NAA25: variants seen among roughly 807,000 people sequenced by gnomAD.
NAA25 encodes N-terminal acetyltransferase B complex subunit NAA25.
NAA25 carries 30 observed loss-of-function variants against 132.5 expected under a neutral mutation model. That is an observed-to-expected ratio of 0.23 (90% CI 0.17 to 0.31). The LOEUF is 0.31. Ranked by LOEUF, NAA25 falls within the 10% of genes least tolerant of loss-of-function variation. The probability of loss-of-function intolerance (pLI) is 1.00; values close to 1 mark genes in which losing one functional copy is unlikely to be tolerated. For synonymous variants in NAA25, 359 were observed against 401.9 expected (o/e 0.89, Z 1.28); for missense variants, 771 against 1,150.4 (o/e 0.67, Z 4.77).
intron 15 of NAA25, among the ~76,000 whole-genome samples, chr12:112,053,027 A>G (rs773877889): frequency 6.6e-6 from 1 of 152,244 alleles, no homozygotes; most frequent in Non-Finnish European, 1.5e-5. Context: ...CCATCCTTTC[A>G]TTATGGCACA....
At chr12:112,070,989 C>T (rs112665078) in intron 10 of NAA25, among the ~76,000 whole-genome samples, 3,820 of 152,300 alleles carry the variant, frequency 0.025, 72 homozygotes, top group Non-Finnish European at 0.039. Context: ...TCAGGTGATC[C>T]GCCCGCCTTG....
At chr12:112,048,569 G>A in intron 15 of NAA25, 126 bp from the exon 16 acceptor site, 1 of 737,566 alleles carries the variant, frequency 1.4e-6, no homozygotes, top group Non-Finnish European at 2.2e-6. Context: ...TAAAGGTCTT[G>A]GTCACCAAGT....
At chr12:112,107,029 C>A (rs2079372483) in intron 1 of NAA25, among the ~76,000 whole-genome samples, 1 of 145,790 alleles carries the variant, frequency 6.9e-6, no homozygotes, top group Non-Finnish European at 1.5e-5. Context: ...AATCCCAGCA[C>A]TTTGGGAGGC....
At chr12:112,054,256 A>G in intron 14 of NAA25, 132 bp downstream of exon 14, 1 of 777,934 alleles carries the variant, frequency 1.3e-6, no homozygotes, top group South Asian at 2.3e-5. Flanking sequence ...CTGGTTTGCA[A>G]TGGATCATAA....
At chr12:112,066,675 A>C (rs781056245) in intron 11 of NAA25, among the ~76,000 whole-genome samples, 3 of 152,160 alleles carry the variant, frequency 2.0e-5, no homozygotes, top group Non-Finnish European at 4.4e-5. Flanking sequence ...TTATCCAGAA[A>C]CTTCTAGGCT....
intron 10 of NAA25, among the ~76,000 whole-genome samples, chr12:112,071,222 T>C (rs2078802746): frequency 6.6e-6 from 1 of 152,098 alleles, no homozygotes; most frequent in South Asian, 2.1e-4. Context: ...GTTACGGCCA[T>C]GTTGGCCAGG....
chr12:112,108,745 G>T lies in NAA25; in HGVS notation c.29C>A (p.Pro10His). The T allele has an allele frequency of 4.6e-6, 7 of 1,529,930 alleles. No individual in the cohort carries two copies. Among genetic ancestry groups the T allele is most frequent in the South Asian group, 1.2e-5 (1 of 82,210 alleles). 94.8% of individuals were successfully genotyped at this position (1,529,930 alleles called of 1,614,324 possible). A position where few individuals can be genotyped will look rare whatever the true frequency, so the allele number is the denominator to read the frequency against. The change falls in exon 1 of 24, where the codon CCT becomes CAT. Residue 10 changes from proline to histidine, a missense_variant. By Grantham distance (77) the Pro-to-His change is moderately conservative. Transcript: ENST00000261745. MATRGHVQD[P>H]NDRRLRPIYD... ...AATGGGCCGGAGGCGCCTGTCGTTA[G>T]GGTCCTGCACATGGCCCCGCGTCGC... is the stretch of plus-strand genomic sequence containing the variant.
chr12:112,072,141 T>C, intron 9 of NAA25, 77 bp from the exon 10 acceptor site: 3 of 1,212,896 alleles, frequency 2.5e-6, no homozygotes, highest in Middle Eastern at 5.2e-4. Flanking sequence ...GCCAAACTCA[T>C]TTAAAAAGAG....
chr12:112,054,663 C>G, intron 13 of NAA25, 95 bp from the exon 14 acceptor site: 3 of 1,115,152 alleles, frequency 2.7e-6, no homozygotes, highest in Admixed American at 2.8e-5. Context: ...CATCACCCCC[C>G]CCAATAAATG....
chr12:112,066,407 TCA>T (rs1171049345), intron 11 of NAA25, among the ~76,000 whole-genome samples: 2 of 152,164 alleles, frequency 1.3e-5, no homozygotes, highest in Non-Finnish European at 2.9e-5. Flanking sequence ...AACGTGAAGC[TCA>T]CACACAGTAT....
intron 7 of NAA25, among the ~76,000 whole-genome samples, chr12:112,077,837 G>A (rs370504360): frequency 6.6e-6 from 1 of 151,498 alleles, no homozygotes; most frequent in Non-Finnish European, 1.5e-5. Flanking sequence ...AACTGAATAA[G>A]ATTATTCTAT....
intron 13 of NAA25, among the ~76,000 whole-genome samples, chr12:112,058,555 G>C (rs1050981020): frequency 6.6e-6 from 1 of 152,166 alleles, no homozygotes; most frequent in Non-Finnish European, 1.5e-5. Context: ...GAGTGTAATG[G>C]TGTGATCATA....
chr12:112,073,036 T>G (rs1027204688), intron 9 of NAA25, among the ~76,000 whole-genome samples: 31 of 151,842 alleles, frequency 2.0e-4, no homozygotes, highest in Non-Finnish European at 1.0e-4. Flanking sequence ...GAGTTCAAGA[T>G]CAGCCTGGGC....
At chr12:112,062,938 T>C (rs1408685192) in intron 11 of NAA25, among the ~76,000 whole-genome samples, 1 of 151,672 alleles carries the variant, frequency 6.6e-6, no homozygotes, top group African/African-American at 2.4e-5. Flanking sequence ...TGCACGCCTG[T>C]AGTCCCAGCT....
intron 3 of NAA25, 89 bp downstream of exon 3, chr12:112,090,637 A>C (rs2079115433): frequency 7.4e-7 from 1 of 1,356,072 alleles, no homozygotes; most frequent in African/African-American, 1.5e-5. Context: ...CATTCAAATC[A>C]TGAGTGAGAA....
At chr12:112,081,851 A>T (rs1410649741) in intron 4 of NAA25, among the ~76,000 whole-genome samples, 1 of 152,232 alleles carries the variant, frequency 6.6e-6, no homozygotes, top group African/African-American at 2.4e-5. Flanking sequence ...AGAAGAAACT[A>T]TCTATTCCTG....
intron 1 of NAA25, among the ~76,000 whole-genome samples, chr12:112,099,055 C>T (rs906989812): frequency 9.9e-5 from 15 of 151,498 alleles, no homozygotes; most frequent in Non-Finnish European, 1.6e-4. Context: ...GGCATGATCT[C>T]GATTCACTGC....
chr12:112,106,575 C>A (rs2079364035), intron 1 of NAA25, among the ~76,000 whole-genome samples: 1 of 152,080 alleles, frequency 6.6e-6, no homozygotes, highest in Non-Finnish European at 1.5e-5. Context: ...AAATCAGAGT[C>A]CTTTCTCTGC....
chr12:112,100,936 A>G (rs1401584316), intron 1 of NAA25, among the ~76,000 whole-genome samples: 3 of 152,106 alleles, frequency 2.0e-5, no homozygotes, highest in Non-Finnish European at 4.4e-5. Flanking sequence ...CTGTCTTTAA[A>G]ACAAATTTCA....
Sources: gnomAD v4.1 joint callset for allele counts (sites outside exome capture counted in the v4.1 genomes callset) on GRCh38, gnomAD v4.1.1 for gene constraint, MANE v1.5 for transcripts, NCBI Gene and HGNC (gene_info 2026-07-23, HGNC 2026-07-21) for gene names.